Variants in GRID2 observed in about 807,000 individuals in gnomAD.
GRID2 encodes glutamate receptor ionotropic, delta-2.
GRID2 carries 33 observed loss-of-function variants against 114.8 expected under a neutral mutation model. The observed-to-expected ratio is 0.29, with a 90% confidence interval of 0.22 to 0.38. The LOEUF (loss-of-function observed/expected upper bound fraction) is 0.38. Ranked by LOEUF, GRID2 falls within the 10% of genes least tolerant of loss-of-function variation. GRID2 has a pLI of 1.00. For synonymous variants in GRID2, 505 were observed against 449.9 expected, an observed-to-expected ratio of 1.12 and a Z score of -1.55; for missense variants, 1,184 against 1,257.7, an observed-to-expected ratio of 0.94 and a Z score of 0.89.
chr4:93,570,332 C>A (rs552323076), intron 13 of GRID2, among the ~76,000 whole-genome samples: 2 of 152,220 alleles, frequency 1.3e-5, no homozygotes, highest in South Asian at 2.1e-4. Context: ...GACTCACAGA[C>A]TTTCCCTTAG....
intron 10 of GRID2, among the ~76,000 whole-genome samples, chr4:93,442,932 C>T (rs1018466645): frequency 3.9e-5 from 6 of 152,024 alleles, no homozygotes; most frequent in Admixed American, 2.6e-4. Context: ...TTTCAAGTTA[C>T]TCAGTGCAAA....
intron 2 of GRID2, among the ~76,000 whole-genome samples, chr4:92,667,553 G>A (rs900818228): frequency 6.6e-6 from 1 of 151,320 alleles, no homozygotes; most frequent in Non-Finnish European, 1.5e-5. Context: ...AATATCCATA[G>A]CAACATAGAC....
At chr4:92,578,568 A>G (rs1015906713) in intron 1 of GRID2, among the ~76,000 whole-genome samples, 4 of 152,056 alleles carry the variant, frequency 2.6e-5, no homozygotes, top group African/African-American at 9.7e-5. Context: ...ACATAATTAA[A>G]TAGAGAATAA....
chr4:92,642,318 C>CT (rs1309502647), intron 2 of GRID2, among the ~76,000 whole-genome samples: 1 of 151,392 alleles, frequency 6.6e-6, no homozygotes, highest in East Asian at 1.9e-4. Flanking sequence ...TTATAGTTTA[C>CT]TTAATAGTAG....
intron 1 of GRID2, among the ~76,000 whole-genome samples, chr4:92,468,423 T>G (rs1321363985): frequency 6.6e-6 from 1 of 152,104 alleles, no homozygotes. Context: ...TTATTGGTTT[T>G]ATAAATAATT....
chr4:93,638,412 T>C (rs1320971244), intron 14 of GRID2, among the ~76,000 whole-genome samples: 5 of 50,656 alleles, frequency 9.9e-5, no homozygotes, highest in Admixed American at 3.1e-4. Flanking sequence ...CACCCACTAA[T>C]GTGTCATCTA....
intron 1 of GRID2, among the ~76,000 whole-genome samples, chr4:92,567,368 C>G (rs971844516): frequency 1.3e-5 from 2 of 151,834 alleles, no homozygotes; most frequent in Admixed American, 1.3e-4. Context: ...AGTTAGATAC[C>G]TGATAGGCTT....
rs1056337789 is a variant in GRID2, at chr4:93,484,488, CAG to C, written c.1859-6148_1859-6147del. 4.0e-5 allele frequency among the ~76,000 whole-genome samples: 6 copies of C among 151,878 alleles called. No homozygotes were observed. In the South Asian group the frequency reaches 6.2e-4, roughly 16 times the overall value. Reference sequence around the variant, plus strand: ...AAAACTTTAGATGAATGAAATTTAACAGAGTTGAATTGAGCAAAGAGCCATTC... The same window carrying C: ...AAAACTTTAGATGAATGAAATTTAACAGTTGAATTGAGCAAAGAGCCATTC... On this transcript the variant is annotated intron_variant, in intron 11 of 15. Transcript: ENST00000282020.
intron 2 of GRID2, among the ~76,000 whole-genome samples, chr4:92,593,312 G>C (rs1728793781): frequency 6.6e-6 from 1 of 151,870 alleles, no homozygotes; most frequent in East Asian, 1.9e-4. Context: ...TTTATTGTTA[G>C]AATTTCCTCT....
intron 1 of GRID2, among the ~76,000 whole-genome samples, chr4:92,459,416 C>T (rs140135803): frequency 6.6e-6 from 1 of 152,088 alleles, no homozygotes; most frequent in Non-Finnish European, 1.5e-5. Context: ...CCATCCATAA[C>T]CACTTTGTTT....
chr4:92,922,909 G>A (rs1227928643), intron 2 of GRID2, among the ~76,000 whole-genome samples: 1 of 152,176 alleles, frequency 6.6e-6, no homozygotes, highest in Non-Finnish European at 1.5e-5. Flanking sequence ...GGACTGGAAG[G>A]AGACACAACG....
intron 8 of GRID2, among the ~76,000 whole-genome samples, chr4:93,328,655 C>A (rs936684805): frequency 1.3e-5 from 2 of 151,492 alleles, no homozygotes; most frequent in African/African-American, 4.9e-5. Context: ...TTTTATTTAC[C>A]TTTATGGCCT....
intron 13 of GRID2, among the ~76,000 whole-genome samples, chr4:93,603,904 T>A (rs1235780558): frequency 6.6e-6 from 1 of 152,136 alleles, no homozygotes; most frequent in Non-Finnish European, 1.5e-5. Context: ...AAAAAAACTT[T>A]CAAAATATGA....
At chr4:92,983,406 C>G (rs1216902727) in intron 2 of GRID2, among the ~76,000 whole-genome samples, 3 of 152,044 alleles carry the variant, frequency 2.0e-5, no homozygotes, top group Admixed American at 2.0e-4. Flanking sequence ...ATCTATTCAG[C>G]TCTTAATGGC....
chr4:93,722,730 T>C (rs949129829), intron 14 of GRID2, among the ~76,000 whole-genome samples: 1 of 152,230 alleles, frequency 6.6e-6, no homozygotes, highest in Non-Finnish European at 1.5e-5. Context: ...TCCACTGTTA[T>C]AACCTAAGGT....
At chr4:93,415,045 C>A (rs1286170411) in intron 9 of GRID2, among the ~76,000 whole-genome samples, 1 of 151,994 alleles carries the variant, frequency 6.6e-6, no homozygotes, top group Admixed American at 6.6e-5. Flanking sequence ...TCATAAGTTT[C>A]AGTTGACATT....
intron 14 of GRID2, among the ~76,000 whole-genome samples, chr4:93,695,330 G>C (rs1049915958): frequency 1.7e-4 from 26 of 152,230 alleles, no homozygotes; most frequent in African/African-American, 4.8e-4. Context: ...GTAGGACTGG[G>C]CTATAATGGC....
At chr4:93,347,450 A>T (rs1012842233) in intron 8 of GRID2, among the ~76,000 whole-genome samples, 1 of 152,144 alleles carries the variant, frequency 6.6e-6, no homozygotes, top group Non-Finnish European at 1.5e-5. Flanking sequence ...AATAAAAAAT[A>T]TAGGAACAGA....
chr4:93,742,185 A>C lies in GRID2; in HGVS notation c.2361-27025A>C, dbSNP rs1578712747. ...TGCCCCCAAATATACCCTGAACACT[A>C]ATTTCTTCATTCATTTAGCCTATGA... On this transcript the variant is annotated intron_variant, in intron 14 of 15. Transcript: ENST00000282020. Among the ~76,000 whole-genome samples, 3 of 152,224 alleles carry C rather than the reference A, an allele frequency of 2.0e-5. No individual in the cohort carries two copies. In the South Asian group the frequency reaches 6.2e-4, roughly 32 times the overall value.
Sources: gnomAD v4.1 joint callset for allele counts (sites outside exome capture counted in the v4.1 genomes callset) on GRCh38, gnomAD v4.1.1 for gene constraint, MANE v1.5 for transcripts, NCBI Gene and HGNC (gene_info 2026-07-23, HGNC 2026-07-21) for gene names.